The following ARHGAP21 variants were observed in gnomAD, a reference collection of about 807,000 sequenced individuals.
ARHGAP21 encodes Rho GTPase activating protein 21.
Under a neutral mutation model 164.6 loss-of-function variants are expected in ARHGAP21, and 38 were observed. That is an observed-to-expected ratio of 0.23 (90% CI 0.18 to 0.30). The LOEUF (loss-of-function observed/expected upper bound fraction) is 0.30. Ranked by LOEUF, ARHGAP21 falls within the 10% of genes least tolerant of loss-of-function variation. The pLI is 1.00. For missense variants in ARHGAP21, 1,822 were observed against 2,370.7 expected, an observed-to-expected ratio of 0.77 and a Z score of 4.81; for synonymous variants, 766 against 857.9, an observed-to-expected ratio of 0.89 and a Z score of 1.87.
chr10:24,661,568 T>G (rs2131676321), intron 4 of ARHGAP21, among the ~76,000 whole-genome samples: 1 of 152,362 alleles, frequency 6.6e-6, no homozygotes, highest in Non-Finnish European at 1.5e-5. Flanking sequence ...TCTTAGGAGT[T>G]TGAATAAAAT....
At position 24,715,399 on chromosome 10, in the gene ARHGAP21, G is replaced by A. The variant is rs758915006; in HGVS notation, c.63+6438C>T. On this transcript the variant is annotated intron_variant, in intron 2 of 25. Transcript: ENST00000396432. ...AGGAACATCCATATACTAGCCATTC[G>A]TTTTAAGAAATAAAACATCATCCAT... Among the ~76,000 whole-genome samples the A allele has an allele frequency of 4.6e-5, 7 of 152,134 alleles. No individual in the cohort carries two copies. The South Asian group carries it at 8.3e-4, about 18-fold the overall frequency.
intron 7 of ARHGAP21, among the ~76,000 whole-genome samples, chr10:24,623,347 T>C (rs1834764661): frequency 6.6e-6 from 1 of 152,190 alleles, no homozygotes; most frequent in Admixed American, 6.5e-5. Flanking sequence ...TGTATTAGTT[T>C]GCAAAAATAA....
chr10:24,591,762 A>T lies in ARHGAP21; in HGVS notation c.4003-79T>A. On this transcript the variant is annotated intron_variant, in intron 22 of 25. Transcript: ENST00000396432. Reference sequence around the variant, plus strand: ...AGATCTTGGAGGATAGTATAGAAAAAGGGTAATTTTCTTAGGGAAAGATAT... The same window carrying T: ...AGATCTTGGAGGATAGTATAGAAAATGGGTAATTTTCTTAGGGAAAGATAT... 1.9e-6 allele frequency: 3 copies of T among 1,597,640 alleles called. No individual in the cohort carries two copies. The South Asian group carries it at 3.3e-5, about 18-fold the overall frequency.
At chr10:24,674,764 C>A (rs916338557) in intron 2 of ARHGAP21, among the ~76,000 whole-genome samples, 1 of 151,884 alleles carries the variant, frequency 6.6e-6, no homozygotes, top group African/African-American at 2.4e-5. Context: ...TTTATGAAAA[C>A]GAAAAGGCAA....
chr10:24,659,438 T>G (rs1429650397), intron 4 of ARHGAP21, among the ~76,000 whole-genome samples: 3 of 152,046 alleles, frequency 2.0e-5, no homozygotes, highest in African/African-American at 7.2e-5. Context: ...GCCTCAGCCT[T>G]GCGAGTAGCT....
chr10:24,679,905 G>A (rs1841613143), intron 2 of ARHGAP21, among the ~76,000 whole-genome samples: 1 of 151,988 alleles, frequency 6.6e-6, no homozygotes, highest in African/African-American at 2.4e-5. Context: ...TTAACATTAG[G>A]TATATCTCCT....
At chr10:24,629,831 G>A (rs1053637736) in intron 7 of ARHGAP21, 165 bp downstream of exon 7, 13 of 684,050 alleles carry the variant, frequency 1.9e-5, no homozygotes, top group East Asian at 2.9e-5. Flanking sequence ...CTTGGCAATG[G>A]TATTTTTGTA....
At chr10:24,621,734 A>T (rs1369636044) in intron 8 of ARHGAP21, among the ~76,000 whole-genome samples, 1 of 152,230 alleles carries the variant, frequency 6.6e-6, no homozygotes, top group African/African-American at 2.4e-5. Flanking sequence ...AATAAATCCC[A>T]GCAAAGGAAG....
At chr10:24,658,502 A>T (rs1442897157) in intron 4 of ARHGAP21, among the ~76,000 whole-genome samples, 1 of 152,228 alleles carries the variant, frequency 6.6e-6, no homozygotes, top group African/African-American at 2.4e-5. Context: ...TGCAGCCATA[A>T]AAAAGGATGA....
intron 14 of ARHGAP21, among the ~76,000 whole-genome samples, chr10:24,599,871 C>T (rs993537210): frequency 2.0e-5 from 3 of 152,178 alleles, no homozygotes; most frequent in Admixed American, 6.5e-5. Flanking sequence ...CGGTGGCTCA[C>T]GCCTGTAATG....
chr10:24,593,716 C>A (rs2076443869), intron 21 of ARHGAP21, among the ~76,000 whole-genome samples: 1 of 152,024 alleles, frequency 6.6e-6, no homozygotes, highest in South Asian at 2.1e-4. Flanking sequence ...ACTAGACCAA[C>A]AGTACTCCTA....
At chr10:24,664,512 T>C (rs895770591) in intron 4 of ARHGAP21, among the ~76,000 whole-genome samples, 4 of 150,524 alleles carry the variant, frequency 2.7e-5, no homozygotes, top group African/African-American at 7.4e-5. Context: ...GCCGAGATCA[T>C]GCCACTGCAC....
rs746280983 is a variant in ARHGAP21 at position 24,607,753 on chromosome 10, T to C, written c.2573A>G (p.His858Arg). The C allele has an allele frequency of 1.1e-5, 17 of 1,613,832 alleles. No homozygotes were observed. The highest frequency in any genetic ancestry group is 8.9e-5 in the East Asian group (4 of 44,896). The change falls in exon 10 of 26, where the codon CAT (histidine) becomes CGT (arginine). Residue 858 changes from histidine (H) to arginine (R), a missense_variant. By Grantham distance (29) the His-to-Arg change is conservative. Transcript: ENST00000396432. ...CCACCCTTTAGACGTACCGTGGTCA[T>C]GTGAGAGCTGACGGCGAATTAATGG... Reference protein sequence around the residue: ...SAPLIRRQLSHDHESVGPPSL... With the variant: ...SAPLIRRQLSRDHESVGPPSL...
At chr10:24,709,738 T>TAAAA (rs201779827) in intron 2 of ARHGAP21, among the ~76,000 whole-genome samples, 1 of 131,054 alleles carries the variant, frequency 7.6e-6, no homozygotes, top group African/African-American at 2.9e-5. Flanking sequence ...AACCTTCTCT[T>TAAAA]AAAAAAAAAA....
intron 2 of ARHGAP21, among the ~76,000 whole-genome samples, chr10:24,676,202 T>C (rs1261548557): frequency 6.6e-6 from 1 of 152,220 alleles, no homozygotes; most frequent in Non-Finnish European, 1.5e-5. Context: ...AATTTAACAC[T>C]GGAAAAAATA....
rs759827725 is a variant in ARHGAP21, at chr10:24,585,512, C to T, written c.4777G>A (p.Ala1593Thr). 6.2e-7 allele frequency: 1 copy of T among 1,614,040 alleles called. No individual in the cohort carries two copies. The highest frequency in any genetic ancestry group is 8.5e-7 in the Non-Finnish European group (1 of 1,180,052). ...GAGTCCAGGCTAGTCAAGTATGTAG[C>T]AGACGATGTGGTGGAATAATCTGAG... ...ITSDYSTTSS[A>T]TYLTSLDSSR... The change falls in exon 26 of 26, where the codon GCT becomes ACT. Residue 1593 changes from alanine to threonine, a missense_variant. Ala to Thr is a moderately conservative substitution (Grantham distance 58). This residue lies in a region of ARHGAP21 where 333 missense variants were observed against 383.9 expected (regional missense o/e 0.87). Transcript: ENST00000396432.
rs149341972 is a variant in ARHGAP21, at chr10:24,696,974, T to A, written c.63+24863A>T. Among the ~76,000 whole-genome samples, 49 of 152,264 alleles carry A rather than the reference T, an allele frequency of 3.2e-4. No homozygotes were observed. The East Asian group carries it at 8.3e-3, about 26-fold the overall frequency. ...TGGGCTTCTTAAGGACCAGGGAGGA[T>A]GTTAGGATCACAGAACAGCAGAGGC... is the stretch of plus-strand genomic sequence containing the variant. On this transcript the variant is annotated intron_variant, in intron 2 of 25. Coordinates refer to ENST00000396432, the MANE Select transcript of ARHGAP21 (RefSeq NM_020824.4).
At chr10:24,663,415 A>C (rs1839892946) in intron 4 of ARHGAP21, among the ~76,000 whole-genome samples, 1 of 152,194 alleles carries the variant, frequency 6.6e-6, no homozygotes, top group Admixed American at 6.5e-5. Context: ...TTGTCACTGG[A>C]TCAAGCCAGA....
At chr10:24,592,647 GGT>G (rs941817256) in intron 21 of ARHGAP21, among the ~76,000 whole-genome samples, 2 of 151,982 alleles carry the variant, frequency 1.3e-5, no homozygotes, top group African/African-American at 4.8e-5. Context: ...CAGGCACGAT[GGT>G]GTGTGCATGC....
Sources: gnomAD v4.1 joint callset for allele counts (sites outside exome capture counted in the v4.1 genomes callset) on GRCh38, gnomAD v4.1.1 for gene constraint, gnomAD v4.1.1 regional missense constraint, MANE v1.5 for transcripts, NCBI Gene and HGNC (gene_info 2026-07-23, HGNC 2026-07-21) for gene names.